PRKG1: variants seen among roughly 807,000 people sequenced by gnomAD.
The protein encoded by PRKG1 is cGMP-dependent protein kinase 1.
A neutral mutation model predicts 88.1 loss-of-function variants in PRKG1; 35 were observed. The ratio of observed to expected loss-of-function variants is 0.40; its 90% CI spans 0.30 to 0.53. PRKG1 has a LOEUF of 0.53. PRKG1 is among the 20% of genes least tolerant of loss of function. PRKG1 has a pLI of 0.59. For synonymous variants in PRKG1, 303 were observed against 292.5 expected (o/e 1.04, Z -0.37); for missense variants, 540 against 839.8 (o/e 0.64, Z 4.41).
At chr10:52,032,813 G>C (rs1845503824) in intron 5 of PRKG1, among the ~76,000 whole-genome samples, 1 of 152,090 alleles carries the variant, frequency 6.6e-6, no homozygotes, top group Non-Finnish European at 1.5e-5. Context: ...TGCTGAATTG[G>C]ACATATCTTC....
At chr10:51,621,007 G>GTATATATATATATATATATATATATATA (rs370817382) in intron 3 of PRKG1, among the ~76,000 whole-genome samples, 3 of 122,160 alleles carry the variant, frequency 2.5e-5, no homozygotes, top group Non-Finnish European at 5.2e-5. Context: ...GTGTATATGT[G>GTATATATATATATATATATATATATATA]TGTATATATA....
intron 4 of PRKG1, among the ~76,000 whole-genome samples, chr10:51,836,021 G>A (rs989995773): frequency 6.6e-6 from 1 of 152,016 alleles, no homozygotes; most frequent in African/African-American, 2.4e-5. Context: ...GTTGCCACTT[G>A]TATATTTTCT....
At chr10:51,970,515 AT>A (rs559473352) in intron 5 of PRKG1, among the ~76,000 whole-genome samples, 66 of 151,434 alleles carry the variant, frequency 4.4e-4, no homozygotes, top group Middle Eastern at 3.4e-3. Flanking sequence ...AAGAAAATAA[AT>A]TGTATTATGA....
At position 51,844,923 on chromosome 10, in the gene PRKG1, C is replaced by T. The variant is rs550291032; in HGVS notation, c.698+40233C>T. Reference sequence around the variant, plus strand: ...AATATCTGACAGTGCTTTTTGAGGACTCCAAATTCTTTTGATGAGACTGGG... The same window carrying T: ...AATATCTGACAGTGCTTTTTGAGGATTCCAAATTCTTTTGATGAGACTGGG... On this transcript the variant is annotated intron_variant, in intron 4 of 17. Coordinates refer to ENST00000373980, the MANE Select transcript of PRKG1 (RefSeq NM_006258.4). Among the ~76,000 whole-genome samples the T allele has an allele frequency of 2.6e-5, 4 of 152,232 alleles. No homozygotes were observed. The South Asian group carries it at 8.3e-4, about 32-fold the overall frequency.
chr10:51,554,212 T>C (rs1395458521), intron 3 of PRKG1, among the ~76,000 whole-genome samples: 1 of 147,586 alleles, frequency 6.8e-6, no homozygotes, highest in Admixed American at 6.9e-5. Flanking sequence ...ATGTGATATA[T>C]GTATATTATA....
intron 3 of PRKG1, among the ~76,000 whole-genome samples, chr10:51,699,821 G>C (rs1841416899): frequency 6.6e-6 from 1 of 152,158 alleles, no homozygotes; most frequent in African/African-American, 2.4e-5. Flanking sequence ...TTTCTGTGGG[G>C]CCCCAACAGC....
intron 2 of PRKG1, among the ~76,000 whole-genome samples, chr10:51,255,077 T>C (rs1435732159): frequency 6.6e-6 from 1 of 152,126 alleles, no homozygotes; most frequent in Non-Finnish European, 1.5e-5. Flanking sequence ...TTCCAGCATA[T>C]ATGAATGCTT....
chr10:51,610,765 A>G (rs920704231), intron 3 of PRKG1, among the ~76,000 whole-genome samples: 2 of 152,190 alleles, frequency 1.3e-5, no homozygotes, highest in African/African-American at 2.4e-5. Flanking sequence ...GCTGGAAGCC[A>G]TCATCTTCAG....
chr10:51,071,004 C>G (rs2132797037), upstream of PRKG1, among the ~76,000 whole-genome samples: 1 of 152,286 alleles, frequency 6.6e-6, no homozygotes, highest in South Asian at 2.1e-4. Context: ...AAGCCATTCT[C>G]CTCTACTCTA....
intron 5 of PRKG1, among the ~76,000 whole-genome samples, chr10:51,913,011 C>T (rs566551877): frequency 9.2e-5 from 14 of 152,266 alleles, no homozygotes; most frequent in African/African-American, 2.9e-4. Context: ...TCACTGCAAC[C>T]TTCATCGCCC....
At chr10:52,163,402 A>C (rs1838334967) in intron 9 of PRKG1, among the ~76,000 whole-genome samples, 2 of 150,946 alleles carry the variant, frequency 1.3e-5, no homozygotes, top group Non-Finnish European at 3.0e-5. Context: ...ACATATATAA[A>C]AGATATAGAA....
chr10:52,026,516 A>G (rs1412248724), intron 5 of PRKG1, among the ~76,000 whole-genome samples: 7 of 152,194 alleles, frequency 4.6e-5, no homozygotes, highest in Non-Finnish European at 8.8e-5. Flanking sequence ...AATTCCCTAG[A>G]GACAGGAAAT....
intron 2 of PRKG1, among the ~76,000 whole-genome samples, chr10:51,275,701 A>G (rs1840097400): frequency 6.6e-6 from 1 of 152,192 alleles, no homozygotes; most frequent in African/African-American, 2.4e-5. Context: ...TTCCCTGTAT[A>G]TACAATCTTA....
intron 1 of PRKG1, among the ~76,000 whole-genome samples, chr10:51,122,633 T>G (rs1347225343): frequency 2.0e-5 from 3 of 152,180 alleles, no homozygotes; most frequent in Non-Finnish European, 2.9e-5. Flanking sequence ...AGACATATCC[T>G]TCTTGGTTTT....
At chr10:51,136,434 A>T (rs2131946305) in intron 1 of PRKG1, among the ~76,000 whole-genome samples, 1 of 152,218 alleles carries the variant, frequency 6.6e-6, no homozygotes, top group East Asian at 1.9e-4. Context: ...CAGCGAAATT[A>T]TCTCAGGAGA....
At chr10:51,039,975 A>G (rs1843398981) in intron 1 of PRKG1, among the ~76,000 whole-genome samples, 1 of 152,124 alleles carries the variant, frequency 6.6e-6, no homozygotes, top group African/African-American at 2.4e-5. Context: ...TTTGGTTACT[A>G]TAGCTCTGTA....
intron 3 of PRKG1, among the ~76,000 whole-genome samples, chr10:51,751,102 C>A (rs1262668014): frequency 2.0e-5 from 3 of 152,302 alleles, no homozygotes; most frequent in Admixed American, 1.3e-4. Flanking sequence ...CCCTCCCCAA[C>A]CTTACTCAGA....
chr10:51,549,478 G>A (rs1287558923), intron 3 of PRKG1, among the ~76,000 whole-genome samples: 1 of 151,892 alleles, frequency 6.6e-6, no homozygotes, highest in African/African-American at 2.4e-5. Flanking sequence ...TTACAATAAT[G>A]ACTTAGCTAC....
chr10:51,371,517 A>G (rs754259183), intron 2 of PRKG1, among the ~76,000 whole-genome samples: 1 of 152,136 alleles, frequency 6.6e-6, no homozygotes, highest in Admixed American at 6.6e-5. Context: ...TTAAAAAGAC[A>G]TGTAGTGCTG....
Sources: gnomAD v4.1 joint callset for allele counts (sites outside exome capture counted in the v4.1 genomes callset) on GRCh38, gnomAD v4.1.1 for gene constraint, MANE v1.5 for transcripts, NCBI Gene and HGNC (gene_info 2026-07-23, HGNC 2026-07-21) for gene names.